The following TMEM132B variants were observed in gnomAD, a reference collection of about 807,000 sequenced individuals.
TMEM132B encodes the protein transmembrane protein 132B.
In TMEM132B, 18 loss-of-function variants were observed where a neutral mutation model predicts 90.8. The ratio of observed to expected loss-of-function variants is 0.20; its 90% confidence interval spans 0.14 to 0.29. TMEM132B has a LOEUF of 0.29. TMEM132B is among the 10% of genes least tolerant of loss of function. TMEM132B has a pLI of 1.00. For synonymous variants in TMEM132B, 504 were observed against 523.3 expected (o/e 0.96, Z 0.50); for missense variants, 1,096 against 1,326.8 (o/e 0.83, Z 2.70).
chr12:125,537,488 C>T (rs1444059337), intron 4 of TMEM132B, among the ~76,000 whole-genome samples: 1 of 152,152 alleles, frequency 6.6e-6, no homozygotes, highest in Non-Finnish European at 1.5e-5. Context: ...TGGTCTGTGG[C>T]CTTCTAAGTC....
chr12:125,214,939 C>A (rs1873400673), intron 1 of TMEM132B, among the ~76,000 whole-genome samples: 1 of 152,218 alleles, frequency 6.6e-6, no homozygotes, highest in South Asian at 2.1e-4. Flanking sequence ...CTGCCTGGGG[C>A]TTCGCCTCCC....
chr12:125,636,414 C>T (rs148344058), intron 5 of TMEM132B, among the ~76,000 whole-genome samples: 2 of 152,258 alleles, frequency 1.3e-5, no homozygotes, highest in African/African-American at 4.8e-5. Context: ...TTTCTTGTAG[C>T]TCTCCTAATT....
chr12:125,568,816 A>T (rs1196841977), intron 4 of TMEM132B, among the ~76,000 whole-genome samples: 6 of 152,178 alleles, frequency 3.9e-5, no homozygotes, highest in East Asian at 1.9e-4. Flanking sequence ...TTTGCCCTTT[A>T]TGTGGGTCTC....
chr12:125,391,137 CG>C (rs1879003764), intron 2 of TMEM132B, among the ~76,000 whole-genome samples: 1 of 151,046 alleles, frequency 6.6e-6, no homozygotes, highest in African/African-American at 2.4e-5. Flanking sequence ...TGTTCCTGGA[CG>C]GAGAAAAATG....
intron 2 of TMEM132B, among the ~76,000 whole-genome samples, chr12:125,409,571 T>TG (rs1555246833): frequency 3.3e-5 from 4 of 119,590 alleles, no homozygotes; most frequent in African/African-American, 1.5e-4. Flanking sequence ...TGGAGTGGAG[T>TG]GAGTGGAGTG....
chr12:125,484,631 GTTA>G (rs1174516134), intron 3 of TMEM132B, among the ~76,000 whole-genome samples: 3 of 151,992 alleles, frequency 2.0e-5, no homozygotes, highest in African/African-American at 4.8e-5. Context: ...GAAACTCATT[GTTA>G]TTATTATTAT....
intron 4 of TMEM132B, among the ~76,000 whole-genome samples, chr12:125,538,026 G>A (rs531941985): frequency 2.6e-5 from 4 of 152,144 alleles, no homozygotes; most frequent in Non-Finnish European, 5.9e-5. Context: ...ATGCACGCTC[G>A]GCTCCTATTG....
chr12:125,230,540 G>A (rs1343700240), intron 1 of TMEM132B, among the ~76,000 whole-genome samples: 1 of 152,032 alleles, frequency 6.6e-6, no homozygotes, highest in Non-Finnish European at 1.5e-5. Context: ...GAGTGCAGTG[G>A]CGTAATCTCG....
At chr12:125,603,106 C>T (rs1345422425) in intron 5 of TMEM132B, among the ~76,000 whole-genome samples, 1 of 152,146 alleles carries the variant, frequency 6.6e-6, no homozygotes, top group East Asian at 1.9e-4. Context: ...GCAAAAACTA[C>T]TTTAAATTTC....
rs532028408 is a variant in TMEM132B, at chr12:125,399,306, C to T, written c.960-16225C>T. Among the ~76,000 whole-genome samples, 24 of 152,306 alleles carry T rather than the reference C, an allele frequency of 1.6e-4. 1 individual carries two copies. The highest frequency in any genetic ancestry group is 4.6e-4 in the African/African-American group (19 of 41,570). On this transcript the variant is annotated intron_variant, in intron 2 of 8. Coordinates refer to ENST00000682704, the MANE Select transcript of TMEM132B (RefSeq NM_001366854.1). ...CAGATCATCCTAAAGTTTATATACACATACATATGGCATGTACTGTCACCA... is the reference window on the plus strand; with the variant it reads ...CAGATCATCCTAAAGTTTATATACATATACATATGGCATGTACTGTCACCA...
chr12:125,303,082 C>T (rs1025528988), intron 1 of TMEM132B, among the ~76,000 whole-genome samples: 5 of 151,652 alleles, frequency 3.3e-5, no homozygotes, highest in African/African-American at 1.2e-4. Context: ...GGGGACAGAG[C>T]GAGACTCTGC....
In TMEM132B at chr12:125,313,937, CCTCT is replaced by C. The variant is rs974045232; in HGVS notation, c.68-35512_68-35509del. On this transcript the variant is annotated intron_variant, in intron 1 of 8. Transcript: ENST00000682704. ...GTCGCCAAAGTGTCTGGCCAGCCGTCCTCTCTGTCAGGACATCTCTTTGTGTCTC... is the reference window on the plus strand; with the variant it reads ...GTCGCCAAAGTGTCTGGCCAGCCGTCCTGTCAGGACATCTCTTTGTGTCTC... Among the ~76,000 whole-genome samples the C allele has an allele frequency of 2.4e-4, 36 of 151,798 alleles. 1 individual carries two copies. The highest frequency in any genetic ancestry group is 1.2e-4 in the Non-Finnish European group (8 of 67,978).
chr12:125,511,008 A>G (rs1882962468), intron 3 of TMEM132B, among the ~76,000 whole-genome samples: 1 of 152,176 alleles, frequency 6.6e-6, no homozygotes, highest in African/African-American at 2.4e-5. Context: ...ATGTAATTTC[A>G]GAATATTTTT....
At chr12:125,645,006 T>G (rs1312577438) in intron 6 of TMEM132B, among the ~76,000 whole-genome samples, 1 of 151,554 alleles carries the variant, frequency 6.6e-6, no homozygotes, top group Non-Finnish European at 1.5e-5. Context: ...TCACGAGGTC[T>G]GGAGATCGAC....
intron 5 of TMEM132B, among the ~76,000 whole-genome samples, chr12:125,625,610 A>G (rs1886215737): frequency 1.3e-5 from 2 of 152,240 alleles, no homozygotes; most frequent in Admixed American, 1.3e-4. Context: ...TTCTGAACAC[A>G]TCTGCTATAA....
intron 3 of TMEM132B, among the ~76,000 whole-genome samples, chr12:125,425,836 T>A (rs963697902): frequency 6.6e-6 from 1 of 152,234 alleles, no homozygotes; most frequent in Non-Finnish European, 1.5e-5. Context: ...CCACAGTTTA[T>A]ACATTTATCT....
At chr12:125,501,829 G>T (rs1341418815) in intron 3 of TMEM132B, among the ~76,000 whole-genome samples, 1 of 152,198 alleles carries the variant, frequency 6.6e-6, no homozygotes, top group Non-Finnish European at 1.5e-5. Context: ...GTATAGGGCA[G>T]AGTGCAGGTG....
At chr12:125,392,221 C>T (rs1282700432) in intron 2 of TMEM132B, among the ~76,000 whole-genome samples, 4 of 152,054 alleles carry the variant, frequency 2.6e-5, no homozygotes, top group African/African-American at 4.8e-5. Context: ...GGTTGGGAGA[C>T]GAGGGGCAAA....
chr12:125,389,051 CACACAA>C (rs1350998213), intron 2 of TMEM132B, among the ~76,000 whole-genome samples: 3 of 150,026 alleles, frequency 2.0e-5, no homozygotes, highest in Non-Finnish European at 3.0e-5. Context: ...CACACACACA[CACACAA>C]ACACACAAGA....
Sources: gnomAD v4.1 joint callset for allele counts (sites outside exome capture counted in the v4.1 genomes callset) on GRCh38, gnomAD v4.1.1 for gene constraint, MANE v1.5 for transcripts, NCBI Gene and HGNC (gene_info 2026-07-23, HGNC 2026-07-21) for gene names.